PDE5A: variants seen among roughly 807,000 people sequenced by gnomAD.
PDE5A encodes cGMP-specific 3',5'-cyclic phosphodiesterase.
PDE5A carries 67 observed loss-of-function variants against 110.2 expected under a neutral mutation model. That is an observed-to-expected ratio of 0.61 (90% CI 0.50 to 0.75). The LOEUF is 0.75. Among genes scored for constraint, PDE5A ranks in the 30% least tolerant of loss-of-function variants. The pLI, the probability that PDE5A is intolerant of heterozygous loss-of-function variation, is 0.00. For synonymous variants in PDE5A, 328 were observed against 351.2 expected, an observed-to-expected ratio of 0.93 and a Z score of 0.74; for missense variants, 862 against 1,045.1, an observed-to-expected ratio of 0.82 and a Z score of 2.42.
At chr4:119,588,820 G>A (rs1728864757) in intron 3 of PDE5A, among the ~76,000 whole-genome samples, 1 of 152,104 alleles carries the variant, frequency 6.6e-6, no homozygotes, top group South Asian at 2.1e-4. Context: ...TTAAAAGGAA[G>A]ATATACGCTA....
rs555494933 is a variant in PDE5A at position 119,575,210 on chromosome 4, C to T, written c.832-8066G>A. Among the ~76,000 whole-genome samples, 522 of 152,278 alleles carry T rather than the reference C, an allele frequency of 3.4e-3. 2 individuals are homozygous for T. The highest frequency in any genetic ancestry group is 6.0e-3 in the Non-Finnish European group (405 of 68,016). Reference sequence around the variant, plus strand: ...GTGAAAAGACCAAATCTATGTCTGACTGGTGTACCTGAAAGTGACAGGGAG... The same window carrying T: ...GTGAAAAGACCAAATCTATGTCTGATTGGTGTACCTGAAAGTGACAGGGAG... On this transcript the variant is annotated intron_variant, in intron 3 of 20. Transcript: ENST00000354960.
At chr4:119,626,416 A>G (rs1200873269) in intron 1 of PDE5A, among the ~76,000 whole-genome samples, 2 of 152,216 alleles carry the variant, frequency 1.3e-5, no homozygotes, top group Non-Finnish European at 2.9e-5. Flanking sequence ...TTTAAAAGAA[A>G]AATAGGGAAC....
At chr4:119,614,968 G>C (rs1393205256) in intron 1 of PDE5A, among the ~76,000 whole-genome samples, 2 of 152,164 alleles carry the variant, frequency 1.3e-5, no homozygotes, top group Non-Finnish European at 2.9e-5. Context: ...GTCTTCAGCA[G>C]AGTATAAAGT....
chr4:119,508,467 T>C (rs1360730203), intron 15 of PDE5A, among the ~76,000 whole-genome samples: 1 of 151,934 alleles, frequency 6.6e-6, no homozygotes, highest in East Asian at 1.9e-4. Context: ...GTGCTTCCTA[T>C]ATCTTAGGGC....
rs550028354 is a variant in PDE5A at position 119,587,834 on chromosome 4, CTG to C, written c.831+8687_831+8688del. Among the ~76,000 whole-genome samples, 42 of 152,296 alleles carry C rather than the reference CTG, an allele frequency of 2.8e-4. No individual in the cohort carries two copies. The South Asian group carries it at 6.4e-3, about 23-fold the overall frequency. On this transcript the variant is annotated intron_variant, in intron 3 of 20. Coordinates refer to ENST00000354960, the MANE Select transcript of PDE5A (RefSeq NM_001083.4). ...GAAAATTGAAGGATTATGAATAAAA[CTG>C]TAACATTTATTTCCTCCAAGTTTAC...
intron 12 of PDE5A, among the ~76,000 whole-genome samples, chr4:119,521,651 T>C (rs771883710): frequency 6.6e-6 from 1 of 151,586 alleles, no homozygotes; most frequent in Non-Finnish European, 1.5e-5. Flanking sequence ...TTTTAAATTA[T>C]ACTTATTCAG....
intron 7 of PDE5A, among the ~76,000 whole-genome samples, chr4:119,557,993 T>G (rs1250098141): frequency 6.6e-6 from 1 of 152,202 alleles, no homozygotes; most frequent in Non-Finnish European, 1.5e-5. Flanking sequence ...GACACAAATG[T>G]GCATTTGTGA....
At chr4:119,564,962 A>G (rs994763157) in intron 5 of PDE5A, among the ~76,000 whole-genome samples, 2 of 152,292 alleles carry the variant, frequency 1.3e-5, no homozygotes, top group Admixed American at 1.3e-4. Flanking sequence ...TATGAAATCA[A>G]GAGTAATATC....
chr4:119,595,399 C>T (rs1729117140), intron 3 of PDE5A, among the ~76,000 whole-genome samples: 1 of 152,102 alleles, frequency 6.6e-6, no homozygotes, highest in Non-Finnish European at 1.5e-5. Context: ...AATGCTATAC[C>T]CAGATAACTG....
At chr4:119,576,275 G>C (rs1229314670) in intron 3 of PDE5A, among the ~76,000 whole-genome samples, 1 of 152,102 alleles carries the variant, frequency 6.6e-6, no homozygotes, top group Non-Finnish European at 1.5e-5. Flanking sequence ...TTAGACAGAT[G>C]AACGAGACAG....
chr4:119,505,078 A>T (rs1560594039), intron 17 of PDE5A, among the ~76,000 whole-genome samples: 1 of 152,010 alleles, frequency 6.6e-6, no homozygotes, highest in Non-Finnish European at 1.5e-5. Flanking sequence ...AAGCCTTTGA[A>T]TGATTAATCA....
chr4:119,605,230 A>G (rs1729485804), intron 2 of PDE5A, among the ~76,000 whole-genome samples: 1 of 152,102 alleles, frequency 6.6e-6, no homozygotes, highest in Admixed American at 6.6e-5. Flanking sequence ...ACACACTTAC[A>G]TGGTCCTACT....
At chr4:119,604,048 C>T (rs552869941) in intron 2 of PDE5A, among the ~76,000 whole-genome samples, 4 of 152,284 alleles carry the variant, frequency 2.6e-5, no homozygotes, top group African/African-American at 9.6e-5. Flanking sequence ...AATTAGATCA[C>T]AGATCAACCC....
chr4:119,506,258 G>C (rs1468447072), intron 16 of PDE5A, among the ~76,000 whole-genome samples: 1 of 151,714 alleles, frequency 6.6e-6, no homozygotes, highest in Non-Finnish European at 1.5e-5. Flanking sequence ...ATGATTTCAG[G>C]TATTTTAAGT....
chr4:119,503,725 T>G (rs879591903), intron 18 of PDE5A, among the ~76,000 whole-genome samples: 1 of 152,118 alleles, frequency 6.6e-6, no homozygotes, highest in Non-Finnish European at 1.5e-5. Flanking sequence ...ACATTTTGGG[T>G]TTTTGCATTA....
intron 11 of PDE5A, among the ~76,000 whole-genome samples, chr4:119,532,569 C>T (rs1049359246): frequency 6.6e-6 from 1 of 151,688 alleles, no homozygotes; most frequent in African/African-American, 2.4e-5. Context: ...ATAGAGAGTG[C>T]CTTTTTGTTT....
chr4:119,503,267 CAAAAT>C (rs765300391), intron 18 of PDE5A, among the ~76,000 whole-genome samples: 13 of 152,106 alleles, frequency 8.5e-5, no homozygotes, highest in African/African-American at 1.9e-4. Flanking sequence ...ATTACGGACT[CAAAAT>C]GAAATCTTGA....
At chr4:119,557,737 A>G (rs1727592251) in intron 7 of PDE5A, among the ~76,000 whole-genome samples, 1 of 152,206 alleles carries the variant, frequency 6.6e-6, no homozygotes, top group African/African-American at 2.4e-5. Context: ...AGATTAAATA[A>G]TTTACATGAA....
intron 3 of PDE5A, among the ~76,000 whole-genome samples, chr4:119,572,791 C>T (rs184603534): frequency 9.9e-4 from 150 of 152,190 alleles, no homozygotes; most frequent in African/African-American, 3.4e-3. Flanking sequence ...GCACAAAAGA[C>T]GCATTGACAA....
Sources: gnomAD v4.1 joint callset for allele counts (sites outside exome capture counted in the v4.1 genomes callset) on GRCh38, gnomAD v4.1.1 for gene constraint, MANE v1.5 for transcripts, NCBI Gene and HGNC (gene_info 2026-07-23, HGNC 2026-07-21) for gene names.